The following NPHS1 variants were observed in gnomAD, a reference collection of about 807,000 sequenced individuals.
NPHS1 encodes the protein nephrin.
In NPHS1, 107 loss-of-function variants were observed where a neutral mutation model predicts 139.7. The observed-to-expected ratio is 0.77, with a 90% CI of 0.66 to 0.90. The LOEUF (loss-of-function observed/expected upper bound fraction) is 0.90. NPHS1 is among the 40% of genes least tolerant of loss of function. NPHS1 has a pLI of 0.00. For missense variants in NPHS1, 1,580 were observed against 1,654.2 expected (o/e 0.96, Z 0.78); for synonymous variants, 707 against 706.6 (o/e 1.00, Z -0.01).
At chr19:35,841,403 A>G (rs1008803302) in intron 20 of NPHS1, among the ~76,000 whole-genome samples, 1 of 151,622 alleles carries the variant, frequency 6.6e-6, no homozygotes, top group African/African-American at 2.4e-5. Flanking sequence ...ACAACAACAA[A>G]AAGAATGGAG....
At position 35,845,565 on chromosome 19, in the gene NPHS1, G is replaced by C. The variant is rs758859517; in HGVS notation, c.1758-25C>G. 3 of 1,610,564 alleles carry C rather than the reference G, an allele frequency of 1.9e-6. No individual in the cohort carries two copies. In the South Asian group the frequency reaches 3.3e-5, roughly 18 times the overall value. ...CCTGTGGAACCGGGGTCAAGCCAGGGCTGCGAGCGGAGCCAGAGGCTGGAG... is the reference window on the plus strand; with the variant it reads ...CCTGTGGAACCGGGGTCAAGCCAGGCCTGCGAGCGGAGCCAGAGGCTGGAG... On this transcript the variant is annotated intron_variant, in intron 13 of 28. Transcript: ENST00000378910. This position sits in a 1 kb window ranked among gnomAD's most constrained non-coding sequence, Gnocchi z 5.5.
rs1366013809 is a variant in NPHS1 at position 35,846,148 on chromosome 19, C to T, written c.1487G>A (p.Arg496His). 1 of 1,597,086 alleles carries T rather than the reference C, an allele frequency of 6.3e-7. No homozygotes were observed. Among genetic ancestry groups the T allele is most frequent in the Admixed American group, 1.7e-5 (1 of 57,346 alleles). The change falls in exon 12 of 29, where the codon CGC (arginine) becomes CAC (histidine). Residue 496 changes from arginine (R) to histidine (H), a missense_variant. Physicochemically the swap from Arg to His is conservative, Grantham distance 29 (BLOSUM62 0). Transcript: ENST00000378910. ...TESRLPQESRRVHLGSVEKSG... is the reference protein window; with the variant it reads ...TESRLPQESRHVHLGSVEKSG... ...TTTCTCCACGCTGCCGAGATGCACG[C>T]GCCGCGACTCCTGCGGCAGCCGCGA...
chr19:35,848,690 G>A lies in NPHS1; in HGVS notation c.1117C>T (p.Arg373Ter), dbSNP rs753535989. ...SKSSRPRVLL[R>*]WWLGWRQLLP... ...AGCTGCCGCCAGCCCAGCCACCATCGTAGCAGAACCCGCGGGCGACTGGAC... is the reference window on the plus strand; with the variant it reads ...AGCTGCCGCCAGCCCAGCCACCATCATAGCAGAACCCGCGGGCGACTGGAC... The change falls in exon 9 of 29, where the codon CGA becomes TGA. Residue 373 changes from arginine to a stop codon, truncating the protein, a stop_gained. Transcript: ENST00000378910. LOFTEE classifies it high-confidence loss of function. 6 of 1,614,118 alleles carry A rather than the reference G, an allele frequency of 3.7e-6. No homozygotes were observed. Among genetic ancestry groups the A allele is most frequent in the Non-Finnish European group, 5.1e-6 (6 of 1,180,044 alleles).
chr19:35,847,590 A>T (rs928178401), intron 11 of NPHS1, among the ~76,000 whole-genome samples: 2 of 145,256 alleles, frequency 1.4e-5, no homozygotes, highest in African/African-American at 5.1e-5. Context: ...TCCCGACTTC[A>T]GGTGATCCGT....
chr19:35,844,036 A>G, intron 16 of NPHS1, 67 bp downstream of exon 16: 3 of 1,576,786 alleles, frequency 1.9e-6, no homozygotes, highest in Middle Eastern at 2.3e-4. Context: ...AGCTCCCACA[A>G]TGAGGAGACT....
chr19:35,828,053 A>G (rs1972821593), intron 28 of NPHS1, among the ~76,000 whole-genome samples: 1 of 152,208 alleles, frequency 6.6e-6, no homozygotes, highest in Non-Finnish European at 1.5e-5. Context: ...TCATAATAGA[A>G]AAACAAAACA....
rs1479792009 is a variant in NPHS1, at chr19:35,843,576, C to T, written c.2230G>A (p.Ala744Thr). ...LDVHYAPTIR[A>T]LQDPTEVNVG... is the part of the protein sequence containing the mutation. ...TTCACCTCAGTGGGGTCCTGGAGGG[C>T]ACGGATGGTGGGAGCATCTGGTGGA... The change falls in exon 17 of 29, where the codon GCC (alanine) becomes ACC (threonine). Residue 744 changes from alanine (A) to threonine (T), a missense_variant. Coordinates refer to ENST00000378910, the MANE Select transcript of NPHS1 (RefSeq NM_004646.4). The T allele has an allele frequency of 6.2e-7, 1 of 1,613,978 alleles. No individual in the cohort carries two copies. The highest frequency in any genetic ancestry group is 1.3e-5 in the African/African-American group (1 of 74,940).
chr19:35,835,599 A>G (rs536930258), intron 23 of NPHS1, 106 bp downstream of exon 23: 3 of 1,049,966 alleles, frequency 2.9e-6, no homozygotes, highest in African/African-American at 1.6e-5. Context: ...CTTGGCCAGA[A>G]CTAAGTCGTT....
chr19:35,840,888 A>C (rs1473243970), intron 20 of NPHS1, among the ~76,000 whole-genome samples: 5 of 128,616 alleles, frequency 3.9e-5, no homozygotes, highest in Admixed American at 8.1e-5. Context: ...ATGGGGTTTC[A>C]CCATATTGGT....
Position 35,849,662 on chromosome 19 carries a change from A to T in NPHS1, c.609-9T>A, listed in dbSNP as rs775754652. 7 of 1,602,242 alleles carry T rather than the reference A, an allele frequency of 4.4e-6. No individual in the cohort carries two copies. The highest frequency in any genetic ancestry group is 2.6e-6 in the Non-Finnish European group (3 of 1,169,554). Reference sequence around the variant, plus strand: ...AGCTCCGGGGTGTCACCCTGGGATGAGAAGTCAGGGTTATAGAGTCAGAGT... The same window carrying T: ...AGCTCCGGGGTGTCACCCTGGGATGTGAAGTCAGGGTTATAGAGTCAGAGT... On this transcript the variant is annotated splice_polypyrimidine_tract_variant and intron_variant, in intron 5 of 28. Transcript: ENST00000378910.
chr19:35,839,108 C>A, intron 22 of NPHS1, 129 bp downstream of exon 22: 1 of 875,764 alleles, frequency 1.1e-6, no homozygotes, highest in Admixed American at 1.9e-5. Flanking sequence ...GTTGTGTGAC[C>A]TTGGACAATT....
chr19:35,851,233 C>T, intron 3 of NPHS1, 29 bp downstream of exon 3: 1 of 1,613,762 alleles, frequency 6.2e-7, no homozygotes, highest in South Asian at 1.1e-5. Flanking sequence ...AGCCCAGACT[C>T]ATGGGTCCTG....
chr19:35,848,937 G>A, intron 8 of NPHS1, 39 bp downstream of exon 8: 1 of 1,611,096 alleles, frequency 6.2e-7, no homozygotes, highest in East Asian at 2.2e-5. Flanking sequence ...GTTCTCTGAG[G>A]CACAGACCGA....
intron 3 of NPHS1, 26 bp downstream of exon 3, chr19:35,851,236 G>A (rs1428941034): frequency 6.2e-7 from 1 of 1,613,712 alleles, no homozygotes; most frequent in African/African-American, 1.3e-5. Flanking sequence ...CCAGACTCAT[G>A]GGTCCTGGGC....
At chr19:35,837,554 T>C (rs142409465) in intron 22 of NPHS1, among the ~76,000 whole-genome samples, 36 of 152,160 alleles carry the variant, frequency 2.4e-4, no homozygotes, top group African/African-American at 8.0e-4. Context: ...TTACTTTGGG[T>C]TTAATTTGTT....
intron 5 of NPHS1, 115 bp from the exon 6 acceptor site, chr19:35,849,768 C>A: frequency 1.3e-6 from 1 of 756,432 alleles, no homozygotes; most frequent in Non-Finnish European, 2.3e-6. Context: ...AGTCCCCATG[C>A]TGATCTCCTC....
At chr19:35,837,938 T>TAAAAAAAAAA (rs1200757977) in intron 22 of NPHS1, among the ~76,000 whole-genome samples, 22 of 99,420 alleles carry the variant, frequency 2.2e-4, no homozygotes, top group African/African-American at 7.3e-4. Context: ...GTTATTCTCT[T>TAAAAAAAAAA]AAAAAAAAAA....
At chr19:35,842,097 G>T in intron 19 of NPHS1, 27 bp downstream of exon 19, 1 of 1,594,602 alleles carries the variant, frequency 6.3e-7, no homozygotes. Flanking sequence ...TGGGGCTGGA[G>T]TGCTGCCTGG....
intron 20 of NPHS1, among the ~76,000 whole-genome samples, chr19:35,840,997 T>C (rs550326873): frequency 6.6e-6 from 1 of 151,816 alleles, no homozygotes; most frequent in Non-Finnish European, 1.5e-5. Flanking sequence ...TTCATACTAC[T>C]GTTAGGAAGA....
Sources: allele counts gnomAD v4.1 joint callset (sites outside exome capture counted in the v4.1 genomes callset), GRCh38; gene constraint gnomAD v4.1.1; non-coding constraint Gnocchi (gnomAD v3.1); transcripts MANE v1.5; gene names NCBI Gene and HGNC (gene_info 2026-07-23, HGNC 2026-07-21).